SPART: variants seen among roughly 807,000 people sequenced by gnomAD.
SPART encodes spastic paraplegia 20 (Troyer syndrome).
In SPART, 35 loss-of-function variants were observed where a neutral mutation model predicts 58.7. The observed-to-expected ratio is 0.60, with a 90% CI of 0.46 to 0.79. SPART has a LOEUF of 0.79. SPART is among the 30% of genes least tolerant of loss of function. The pLI is 0.00. For synonymous variants in SPART, 284 were observed against 280.7 expected, an observed-to-expected ratio of 1.01 and a Z score of -0.12; for missense variants, 730 against 786.1, an observed-to-expected ratio of 0.93 and a Z score of 0.85.
At chr13:36,334,435 G>A (rs1883753969) in intron 2 of SPART, among the ~76,000 whole-genome samples, 1 of 141,580 alleles carries the variant, frequency 7.1e-6, no homozygotes, top group African/African-American at 2.5e-5. Flanking sequence ...ATTTTGGGCA[G>A]GATAATTTTT....
chr13:36,312,660 C>T, intron 6 of SPART, 183 bp from the exon 7 acceptor site: 1 of 671,368 alleles, frequency 1.5e-6, no homozygotes, highest in South Asian at 1.9e-5. Flanking sequence ...CTGGCCTTGA[C>T]TTGTACTCCT....
chr13:36,304,670 T>C, intron 8 of SPART, 38 bp from the exon 9 acceptor site: 3 of 1,597,542 alleles, frequency 1.9e-6, no homozygotes, highest in Non-Finnish European at 8.5e-7. Flanking sequence ...AATGAAACAA[T>C]AAATATAAAA....
chr13:36,343,220 A>T (rs1418595241), intron 1 of SPART, among the ~76,000 whole-genome samples: 1 of 152,240 alleles, frequency 6.6e-6, no homozygotes, highest in Non-Finnish European at 1.5e-5. Context: ...GGAAATTTTT[A>T]AACTTAGCTT....
intron 5 of SPART, among the ~76,000 whole-genome samples, chr13:36,317,000 CAAT>C (rs2137363913): frequency 6.6e-6 from 1 of 152,330 alleles, no homozygotes; most frequent in Non-Finnish European, 1.5e-5. Context: ...TGCCACACTT[CAAT>C]CTCTCCCTTC....
intron 5 of SPART, among the ~76,000 whole-genome samples, chr13:36,318,087 C>T (rs1234087366): frequency 6.6e-6 from 1 of 152,094 alleles, no homozygotes; most frequent in African/African-American, 2.4e-5. Context: ...TCCTTTTCTA[C>T]AGACCCATCT....
At chr13:36,344,169 A>T (rs1593279288) in intron 1 of SPART, among the ~76,000 whole-genome samples, 1 of 152,336 alleles carries the variant, frequency 6.6e-6, no homozygotes, top group African/African-American at 2.4e-5. Flanking sequence ...GAAAACCCAG[A>T]GTGTCCCGTC....
chr13:36,326,504 T>C, intron 5 of SPART, 71 bp downstream of exon 5: 1 of 1,577,150 alleles, frequency 6.3e-7, no homozygotes, highest in South Asian at 1.1e-5. Flanking sequence ...TATTCCCTAA[T>C]AAACAATATC....
intron 1 of SPART, chr13:36,365,399 G>T: frequency 3.0e-6 from 1 of 328,978 alleles, no homozygotes; most frequent in Non-Finnish European, 5.9e-6. Context: ...ATAAAATTGG[G>T]ATATGTTACT....
At chr13:36,317,328 T>C (rs1043394183) in intron 5 of SPART, among the ~76,000 whole-genome samples, 3 of 151,738 alleles carry the variant, frequency 2.0e-5, no homozygotes, top group Admixed American at 6.6e-5. Context: ...CCTCAACCCC[T>C]TCTCCTTCAC....
At position 36,324,885 on chromosome 13, in the gene SPART, G is replaced by A. The variant is rs533896870; in HGVS notation, c.1288+1690C>T. On this transcript the variant is annotated intron_variant, in intron 5 of 8. Coordinates refer to ENST00000438666, the MANE Select transcript of SPART (RefSeq NM_015087.5). ...TCTCTGGCAGGCAGGAGTGGGGGTCGCAAGGTGCTCAGTGGGGGAGCTTTT... is the reference window on the plus strand; with the variant it reads ...TCTCTGGCAGGCAGGAGTGGGGGTCACAAGGTGCTCAGTGGGGGAGCTTTT... 6.6e-5 allele frequency among the ~76,000 whole-genome samples: 10 copies of A among 152,230 alleles called. No homozygotes were observed. In the South Asian group the frequency reaches 1.7e-3, roughly 25 times the overall value.
At chr13:36,341,040 TC>T (rs1404827983) in intron 1 of SPART, among the ~76,000 whole-genome samples, 2 of 152,150 alleles carry the variant, frequency 1.3e-5, no homozygotes, top group Non-Finnish European at 2.9e-5. Flanking sequence ...AGATAAAACT[TC>T]ATCTTTCTCA....
At chr13:36,359,941 A>AAAAC (rs1242981515) in intron 1 of SPART, among the ~76,000 whole-genome samples, 1 of 151,266 alleles carries the variant, frequency 6.6e-6, no homozygotes, top group Non-Finnish European at 1.5e-5. Context: ...AAAAAAAAAA[A>AAAAC]ACACCTCTTT....
intron 8 of SPART, among the ~76,000 whole-genome samples, chr13:36,305,336 C>T (rs1295096668): frequency 6.6e-6 from 1 of 152,124 alleles, no homozygotes; most frequent in Non-Finnish European, 1.5e-5. Flanking sequence ...CAATCGATTC[C>T]CCTTTACACT....
Position 36,344,313 on chromosome 13 carries a change from G to A in SPART, c.-3+1912C>T, listed in dbSNP as rs1414757799. Among the ~76,000 whole-genome samples, 3 of 152,166 alleles carry A rather than the reference G, an allele frequency of 2.0e-5. No homozygotes were observed. The East Asian group carries it at 5.8e-4, about 29-fold the overall frequency. On this transcript the variant is annotated intron_variant, in intron 1 of 8. Transcript: ENST00000438666. ...TTTCTAAGCTTATTTTACATACGGT[G>A]TGATGAAAGATTTCCTAATAATGTG...
rs1274485688 is a variant in SPART at position 36,304,620 on chromosome 13, A to C, written c.1746T>G (p.Asn582Lys). The C allele has an allele frequency of 6.2e-7, 1 of 1,613,888 alleles. No homozygotes were observed. The highest frequency in any genetic ancestry group is 1.3e-5 in the African/African-American group (1 of 74,916). ...VQTVRYKYGYNAGEATHHAVD... is the reference protein window; with the variant it reads ...VQTVRYKYGYKAGEATHHAVD... ...CCGCATGGTGGGTAGCTTCTCCTGC[A>C]TTATATCCGTATCTTTAAAAGAAAG... Residue 582 changes from asparagine (N) to lysine (K), a missense_variant, in exon 9 of 9, where the codon AAT becomes AAG. Coordinates refer to ENST00000438666, the MANE Select transcript of SPART (RefSeq NM_015087.5).
In SPART at chr13:36,309,238, C is replaced by T. The variant is rs558020081; in HGVS notation, c.1733+2907G>A. Among the ~76,000 whole-genome samples, 43 of 134,622 alleles carry T rather than the reference C, an allele frequency of 3.2e-4. 1 individual carries two copies. The highest frequency in any genetic ancestry group is 9.5e-4 in the African/African-American group (36 of 38,062). The allele number at this position is 134,622 out of a possible 152,430, so 88.3% of individuals were successfully genotyped here. A position where few individuals can be genotyped will look rare whatever the true frequency, so the allele number is the denominator to read the frequency against. ...CAGCCTGGGTGACAGAGTGAAACTC[C>T]GTCTCAAAAAAAAAAAAAAAACTGA... On this transcript the variant is annotated intron_variant, in intron 8 of 8. Transcript: ENST00000438666.
intron 1 of SPART, among the ~76,000 whole-genome samples, chr13:36,367,314 G>A (rs1395633121): frequency 6.6e-6 from 1 of 151,988 alleles, no homozygotes; most frequent in Non-Finnish European, 1.5e-5. Context: ...CCCCACATGT[G>A]TAGAAAATCA....
chr13:36,326,357 A>C, intron 5 of SPART: 1 of 553,044 alleles, frequency 1.8e-6, no homozygotes, highest in Non-Finnish European at 3.2e-6. Flanking sequence ...CATTTTCCCA[A>C]TAGTAGAACA....
intron 1 of SPART, among the ~76,000 whole-genome samples, chr13:36,339,196 G>A (rs1338652559): frequency 3.3e-5 from 5 of 151,834 alleles, no homozygotes; most frequent in African/African-American, 1.2e-4. Flanking sequence ...ATATTCGAGT[G>A]ACAAAAGGAA....
Sources: gnomAD v4.1 joint callset for allele counts (sites outside exome capture counted in the v4.1 genomes callset) on GRCh38, gnomAD v4.1.1 for gene constraint, MANE v1.5 for transcripts, NCBI Gene and HGNC (gene_info 2026-07-23, HGNC 2026-07-21) for gene names.